The following GRID2 variants were observed in gnomAD, a reference collection of about 807,000 sequenced individuals.
GRID2 encodes the protein glutamate receptor ionotropic, delta-2.
Under a neutral mutation model 114.8 loss-of-function variants are expected in GRID2, and 33 were observed. The ratio of observed to expected loss-of-function variants is 0.29; its 90% confidence interval spans 0.22 to 0.38. The LOEUF (loss-of-function observed/expected upper bound fraction) is 0.38, where lower values mean the gene tolerates loss of function less well. GRID2 is among the 10% of genes least tolerant of loss of function. The pLI is 1.00. For synonymous variants in GRID2, 505 were observed against 449.9 expected (o/e 1.12, Z -1.55); for missense variants, 1,184 against 1,257.7 (o/e 0.94, Z 0.89).
At chr4:92,549,143 A>G (rs1289701939) in intron 1 of GRID2, among the ~76,000 whole-genome samples, 5 of 148,362 alleles carry the variant, frequency 3.4e-5, no homozygotes, top group African/African-American at 1.2e-4. Context: ...AAAAAAATGA[A>G]CACTTACCAA....
chr4:93,278,728 T>C (rs1459246360), intron 8 of GRID2, among the ~76,000 whole-genome samples: 1 of 151,948 alleles, frequency 6.6e-6, no homozygotes. Flanking sequence ...AAAACTCTTA[T>C]TATAAGATCA....
chr4:92,799,432 G>C (rs1740046911), intron 2 of GRID2, among the ~76,000 whole-genome samples: 4 of 151,954 alleles, frequency 2.6e-5, no homozygotes, highest in Admixed American at 2.6e-4. Flanking sequence ...TTAAACAATA[G>C]AAATTTATTT....
intron 1 of GRID2, among the ~76,000 whole-genome samples, chr4:92,455,964 A>G (rs1300829281): frequency 3.3e-5 from 5 of 152,188 alleles, no homozygotes; most frequent in Admixed American, 2.6e-4. Context: ...CAAAGATTGT[A>G]TCTTTTATGT....
intron 13 of GRID2, among the ~76,000 whole-genome samples, chr4:93,572,373 C>T (rs370643492): frequency 1.3e-5 from 2 of 152,162 alleles, no homozygotes; most frequent in African/African-American, 4.8e-5. Flanking sequence ...GCACGATATG[C>T]TTTGAGTTCC....
At chr4:93,146,118 G>A (rs72887689) in intron 4 of GRID2, among the ~76,000 whole-genome samples, 9,189 of 152,090 alleles carry the variant, frequency 0.06, 782 homozygotes, top group African/African-American at 0.19. Flanking sequence ...TATGAATTAT[G>A]TAGAAGGCCT....
At chr4:93,337,572 A>G (rs1421826522) in intron 8 of GRID2, among the ~76,000 whole-genome samples, 2 of 152,188 alleles carry the variant, frequency 1.3e-5, no homozygotes, top group Non-Finnish European at 2.9e-5. Context: ...ATTGGATAGC[A>G]AGCAAACCTG....
intron 2 of GRID2, among the ~76,000 whole-genome samples, chr4:93,028,393 C>A (rs1724078151): frequency 6.6e-6 from 1 of 151,902 alleles, no homozygotes; most frequent in Non-Finnish European, 1.5e-5. Context: ...AACTGCAAAA[C>A]CAACGCTGCT....
chr4:92,682,741 A>G (rs555041437), intron 2 of GRID2, among the ~76,000 whole-genome samples: 1 of 151,694 alleles, frequency 6.6e-6, no homozygotes, highest in Non-Finnish European at 1.5e-5. Flanking sequence ...GGAAACATAA[A>G]CATAATAGCC....
At chr4:92,982,057 A>C (rs1176797669) in intron 2 of GRID2, among the ~76,000 whole-genome samples, 1 of 148,526 alleles carries the variant, frequency 6.7e-6, no homozygotes, top group Non-Finnish European at 1.5e-5. Flanking sequence ...AAAAAGAAAA[A>C]AGAAAAAGGT....
At chr4:93,246,996 G>T (rs1748289453) in intron 8 of GRID2, among the ~76,000 whole-genome samples, 2 of 152,120 alleles carry the variant, frequency 1.3e-5, no homozygotes. Flanking sequence ...TTTCTGGAAG[G>T]GTTAGCAGCT....
At chr4:93,627,796 A>G (rs1578432291) in intron 14 of GRID2, among the ~76,000 whole-genome samples, 3 of 152,246 alleles carry the variant, frequency 2.0e-5, no homozygotes, top group Non-Finnish European at 2.9e-5. Context: ...CCCACAGATC[A>G]CAAACCAAAG....
intron 2 of GRID2, among the ~76,000 whole-genome samples, chr4:92,655,259 A>T (rs912764393): frequency 1.3e-5 from 2 of 151,510 alleles, no homozygotes; most frequent in African/African-American, 4.8e-5. Flanking sequence ...CTTTATACCA[A>T]TATGTTCTGT....
chr4:92,831,014 G>T (rs910595986), intron 2 of GRID2, among the ~76,000 whole-genome samples: 1 of 152,106 alleles, frequency 6.6e-6, no homozygotes, highest in African/African-American at 2.4e-5. Flanking sequence ...TAGTTTCAAT[G>T]CCATATTGCC....
chr4:93,080,138 A>T (rs995808292), intron 2 of GRID2, among the ~76,000 whole-genome samples: 1 of 152,166 alleles, frequency 6.6e-6, no homozygotes, highest in Non-Finnish European at 1.5e-5. Context: ...AAAGAATTCT[A>T]AATGTCTGGG....
At position 93,772,093 on chromosome 4, in the gene GRID2, C is replaced by T; in HGVS notation, c.2619C>T (p.Asp873=). The T allele has an allele frequency of 6.2e-7, 1 of 1,607,936 alleles. No homozygotes were observed. Among genetic ancestry groups the T allele is most frequent in the East Asian group, 2.2e-5 (1 of 44,852 alleles). ...ATCTCCAGGATGACAAGGAAATTGA[C>T]CTGGAGCACCTCCATAGACGTGTAA... The part of the protein sequence containing the change: ...VPSKEDDKEI[D]LEHLHRRVNS... The change falls in exon 16 of 16, where the codon GAC becomes GAT. Residue 873 remains aspartate, a synonymous_variant. Transcript: ENST00000282020.
chr4:93,602,056 A>G (rs1739737073), intron 13 of GRID2, among the ~76,000 whole-genome samples: 1 of 152,208 alleles, frequency 6.6e-6, no homozygotes, highest in Non-Finnish European at 1.5e-5. Flanking sequence ...TGAATTTAGT[A>G]ATTGAAAACT....
chr4:92,803,950 C>G (rs997213933), intron 2 of GRID2, among the ~76,000 whole-genome samples: 5 of 151,936 alleles, frequency 3.3e-5, no homozygotes, highest in African/African-American at 1.2e-4. Context: ...CATCTACCTT[C>G]TGGTAGCCCC....
downstream of GRID2, among the ~76,000 whole-genome samples, chr4:93,776,340 C>T (rs1475063429): frequency 2.0e-5 from 3 of 152,206 alleles, no homozygotes; most frequent in Non-Finnish European, 4.4e-5. Flanking sequence ...TATGAGGCAG[C>T]ATATGTGAGC....
chr4:92,886,778 A>G (rs1746399552), intron 2 of GRID2, among the ~76,000 whole-genome samples: 1 of 152,006 alleles, frequency 6.6e-6, no homozygotes, highest in African/African-American at 2.4e-5. Context: ...GGTGCCCGCC[A>G]CCACGTCCGG....
Sources: allele counts gnomAD v4.1 joint callset (sites outside exome capture counted in the v4.1 genomes callset), GRCh38; gene constraint gnomAD v4.1.1; transcripts MANE v1.5; gene names NCBI Gene and HGNC (gene_info 2026-07-23, HGNC 2026-07-21).